PPP2R5E: variants seen among roughly 807,000 people sequenced by gnomAD.
PPP2R5E encodes the protein serine/threonine-protein phosphatase 2A 56 kDa regulatory subunit epsilon isoform.
In PPP2R5E, 4 loss-of-function variants were observed where a neutral mutation model predicts 65.3. The ratio of observed to expected loss-of-function variants is 0.06; its 90% CI spans 0.03 to 0.14. The LOEUF (loss-of-function observed/expected upper bound fraction) is 0.14. Ranked by LOEUF, PPP2R5E falls within the 10% of genes least tolerant of loss-of-function variation. PPP2R5E has a pLI of 1.00. For missense variants in PPP2R5E, 274 were observed against 556.1 expected (o/e 0.49, Z 5.10); for synonymous variants, 183 against 187.4 (o/e 0.98, Z 0.19).
intron 3 of PPP2R5E, among the ~76,000 whole-genome samples, chr14:63,439,990 G>A (rs556174907): frequency 6.6e-6 from 1 of 152,318 alleles, no homozygotes; most frequent in African/African-American, 2.4e-5. Flanking sequence ...TACGTTTTCT[G>A]TGGGTCCTAC....
Position 63,520,420 on chromosome 14 carries a change from C to T in PPP2R5E, c.157+19109G>A, listed in dbSNP as rs73278637. Among the ~76,000 whole-genome samples, 779 of 152,318 alleles carry T rather than the reference C, an allele frequency of 5.1e-3. 6 individuals are homozygous for T. The highest frequency in any genetic ancestry group is 0.018 in the African/African-American group (744 of 41,576). ...GAGAAACCTTCCCTGAATGGCCACC[C>T]TATTTCTCCAAAAGCACTTGCCATT... On this transcript the variant is annotated intron_variant, in intron 2 of 13. Coordinates refer to ENST00000337537, the MANE Select transcript of PPP2R5E (RefSeq NM_006246.5).
intron 4 of PPP2R5E, among the ~76,000 whole-genome samples, chr14:63,417,035 GA>G (rs1367486368): frequency 6.6e-5 from 10 of 152,148 alleles, no homozygotes; most frequent in African/African-American, 2.4e-4. Flanking sequence ...CACAGAATCT[GA>G]AATGATATCA....
intron 2 of PPP2R5E, chr14:63,508,373 CA>C (rs1021850825): frequency 4.0e-6 from 1 of 252,688 alleles, no homozygotes; most frequent in Non-Finnish European, 6.2e-6. Context: ...ACCACAATGG[CA>C]CATAAAACTG....
chr14:63,477,178 G>T (rs1256675739), intron 2 of PPP2R5E, among the ~76,000 whole-genome samples: 2 of 152,016 alleles, frequency 1.3e-5, no homozygotes, highest in African/African-American at 4.8e-5. Context: ...AAAAAATTAA[G>T]ACAGCATATA....
chr14:63,488,451 C>G (rs935922701), intron 2 of PPP2R5E, among the ~76,000 whole-genome samples: 2 of 152,172 alleles, frequency 1.3e-5, no homozygotes, highest in African/African-American at 4.8e-5. Flanking sequence ...AATCCTCCCA[C>G]TTTGGCCTCC....
At chr14:63,492,859 C>G (rs1460818746) in intron 2 of PPP2R5E, among the ~76,000 whole-genome samples, 1 of 152,086 alleles carries the variant, frequency 6.6e-6, no homozygotes, top group Admixed American at 6.6e-5. Flanking sequence ...CAGGAATTAC[C>G]AGGAGCCTTA....
chr14:63,451,871 A>C lies in PPP2R5E; in HGVS notation c.354+1818T>G, dbSNP rs144298079. Reference sequence around the variant, plus strand: ...TACTTTCCTCTCAATTGTGCTGTGAACCTAAAACTGCTCTTAAAAAATTAA... The same window carrying C: ...TACTTTCCTCTCAATTGTGCTGTGACCCTAAAACTGCTCTTAAAAAATTAA... On this transcript the variant is annotated intron_variant, in intron 3 of 13. Coordinates refer to ENST00000337537, the MANE Select transcript of PPP2R5E (RefSeq NM_006246.5). The C allele has an allele frequency of 6.3e-4, 96 of 152,274 alleles. 1 individual carries two copies. The highest frequency in any genetic ancestry group is 2.3e-3 in the African/African-American group (94 of 41,540). 9.4% of individuals were successfully genotyped at this position (152,274 alleles called of 1,614,324 possible).
At chr14:63,537,897 AAAC>A (rs1313657495) in intron 2 of PPP2R5E, among the ~76,000 whole-genome samples, 2 of 152,214 alleles carry the variant, frequency 1.3e-5, no homozygotes, top group Non-Finnish European at 2.9e-5. Context: ...GATATTTTTC[AAAC>A]AACACCTGTT....
chr14:63,382,695 C>T (rs1400755471), intron 12 of PPP2R5E, among the ~76,000 whole-genome samples: 1 of 152,214 alleles, frequency 6.6e-6, no homozygotes, highest in Admixed American at 6.5e-5. Flanking sequence ...GCCACCACAC[C>T]TGGCCTGCCC....
chr14:63,509,220 T>C (rs1305095418), intron 2 of PPP2R5E, among the ~76,000 whole-genome samples: 1 of 151,766 alleles, frequency 6.6e-6, no homozygotes, highest in Non-Finnish European at 1.5e-5. Context: ...GTCTATGACA[T>C]GCGCTATAAT....
intron 2 of PPP2R5E, among the ~76,000 whole-genome samples, chr14:63,538,390 G>A (rs1893760168): frequency 6.6e-6 from 1 of 151,770 alleles, no homozygotes; most frequent in Non-Finnish European, 1.5e-5. Context: ...TTCCCGAGTA[G>A]CTGGGATTAC....
Position 63,382,170 on chromosome 14 carries a change from G to GA in PPP2R5E, c.1203-14dup, listed in dbSNP as rs761810843. 90 of 1,595,690 alleles carry GA rather than the reference G, an allele frequency of 5.6e-5. No homozygotes were observed. Among genetic ancestry groups the GA allele is most frequent in the Admixed American group, 3.3e-4 (19 of 58,012 alleles). On this transcript the variant is annotated splice_polypyrimidine_tract_variant and intron_variant, in intron 12 of 13. Coordinates refer to ENST00000337537, the MANE Select transcript of PPP2R5E (RefSeq NM_006246.5). ...CGCCACAATAGCCCTGGAAAGCACA[G>GA]AAAAAAAGGAGTGTGTTAGTTAGTC...
chr14:63,486,915 C>T (rs1275775368), intron 2 of PPP2R5E, among the ~76,000 whole-genome samples: 1 of 152,238 alleles, frequency 6.6e-6, no homozygotes, highest in East Asian at 1.9e-4. Flanking sequence ...CCCTCATTCA[C>T]ATCTCTCTTA....
intron 3 of PPP2R5E, among the ~76,000 whole-genome samples, chr14:63,430,389 A>ACATACATACATACATG (rs1887596047): frequency 2.1e-5 from 3 of 142,586 alleles, no homozygotes; most frequent in Admixed American, 1.4e-4. Context: ...ATACATACAT[A>ACATACATACATACATG]CATACATACA....
chr14:63,403,950 C>G (rs1395725309), intron 5 of PPP2R5E, among the ~76,000 whole-genome samples: 1 of 151,982 alleles, frequency 6.6e-6, no homozygotes, highest in African/African-American at 2.4e-5. Flanking sequence ...TAATGGCTTA[C>G]AGTAGGAAGT....
intron 3 of PPP2R5E, among the ~76,000 whole-genome samples, chr14:63,435,984 C>A (rs972451757): frequency 1.3e-5 from 2 of 152,134 alleles, no homozygotes; most frequent in Non-Finnish European, 2.9e-5. Context: ...GTAAACATTG[C>A]AATAGTCATA....
intron 3 of PPP2R5E, among the ~76,000 whole-genome samples, chr14:63,431,128 C>T (rs1339839531): frequency 6.6e-6 from 1 of 152,064 alleles, no homozygotes; most frequent in Non-Finnish European, 1.5e-5. Context: ...ATTAGCTGGG[C>T]ATAGGGGCGC....
rs1014291757 is a variant in PPP2R5E at position 63,497,492 on chromosome 14, C to A, written c.157+42037G>T. 4.0e-4 allele frequency among the ~76,000 whole-genome samples: 61 copies of A among 152,028 alleles called. 2 individuals carry two copies. The highest frequency in any genetic ancestry group is 6.6e-4 in the Admixed American group (10 of 15,250). On this transcript the variant is annotated intron_variant, in intron 2 of 13. Coordinates refer to ENST00000337537, the MANE Select transcript of PPP2R5E (RefSeq NM_006246.5). ...ACCTGGCCAGGTGCAGTGGCTCCCC[C>A]CTGTAATTCTAGCACTTTGGGAGGC...
chr14:63,371,772 C>G lies in PPP2R5E; in HGVS notation c.*4237G>C, dbSNP rs1883701414. The stretch of plus-strand genomic sequence containing the variant: ...ACACACAGCTAAATTTAAAACCGAT[C>G]ATGAACCACAGCATTACTAACAGGG... On this transcript the variant is annotated 3_prime_UTR_variant, in exon 14 of 14. Transcript: ENST00000337537. The G allele has an allele frequency of 6.6e-6, 1 of 152,100 alleles. No homozygotes were observed. Among genetic ancestry groups the G allele is most frequent in the Non-Finnish European group, 1.5e-5 (1 of 68,012 alleles). 9.4% of individuals were successfully genotyped at this position (152,100 alleles called of 1,614,324 possible).
Sources: gnomAD v4.1 joint callset for allele counts (sites outside exome capture counted in the v4.1 genomes callset) on GRCh38, gnomAD v4.1.1 for gene constraint, MANE v1.5 for transcripts, NCBI Gene and HGNC (gene_info 2026-07-23, HGNC 2026-07-21) for gene names.